Variants in PTPN13 observed in about 807,000 individuals in gnomAD.
PTPN13 encodes tyrosine-protein phosphatase non-receptor type 13.
A neutral mutation model predicts 284.0 loss-of-function variants in PTPN13; 191 were observed. That is an observed-to-expected ratio of 0.67 (90% CI 0.60 to 0.76). The LOEUF is 0.76. PTPN13 is among the 30% of genes least tolerant of loss of function. PTPN13 has a pLI of 0.00. For missense variants in PTPN13, 2,797 were observed against 2,939.9 expected (o/e 0.95, Z 1.12); for synonymous variants, 986 against 1,022.3 (o/e 0.96, Z 0.68).
chr4:86,733,905 C>T (rs1735219183), intron 12 of PTPN13, among the ~76,000 whole-genome samples: 1 of 152,110 alleles, frequency 6.6e-6, no homozygotes, highest in Non-Finnish European at 1.5e-5. Context: ...TTACCGTGTA[C>T]TGTGTGCTTT....
intron 9 of PTPN13, among the ~76,000 whole-genome samples, chr4:86,717,343 T>A (rs1313648125): frequency 6.6e-6 from 1 of 151,854 alleles, no homozygotes; most frequent in African/African-American, 2.4e-5. Flanking sequence ...TATGCACCAA[T>A]GTGCCTGGCT....
Position 86,771,197 on chromosome 4 carries a change from A to T in PTPN13, c.4830A>T (p.Val1610=). Residue 1610 remains valine (V), a synonymous_variant, in exon 31 of 48, where the codon GTA becomes GTT. Coordinates refer to ENST00000411767, the MANE Select transcript of PTPN13 (RefSeq NM_080683.3). ...CCCCACTTCAGTCTCCAGCACAAGT[A>T]CTTCCAAACAGCAGTAAAGACTCTT... The part of the protein sequence containing the change: ...LLTPLQSPAQ[V]LPNSSKDSSQ... 1 of 1,611,960 alleles carries T rather than the reference A, an allele frequency of 6.2e-7. No homozygotes were observed. The highest frequency in any genetic ancestry group is 8.5e-7 in the Non-Finnish European group (1 of 1,178,914).
chr4:86,750,959 C>T, intron 18 of PTPN13, 68 bp from the exon 19 acceptor site: 2 of 1,560,766 alleles, frequency 1.3e-6, no homozygotes, highest in Non-Finnish European at 1.7e-6. Flanking sequence ...TTTGTTATGA[C>T]ATTTTATTAT....
intron 28 of PTPN13, among the ~76,000 whole-genome samples, chr4:86,768,576 C>T (rs557779218): frequency 2.6e-5 from 4 of 152,042 alleles, no homozygotes; most frequent in Admixed American, 6.6e-5. Flanking sequence ...TTTACACAAA[C>T]GTTAGCAACT....
At chr4:86,689,398 A>C (rs1253822441) in intron 5 of PTPN13, among the ~76,000 whole-genome samples, 1 of 152,186 alleles carries the variant, frequency 6.6e-6, no homozygotes, top group African/African-American at 2.4e-5. Context: ...TTTTGTGAGA[A>C]TTATTCCCAA....
chr4:86,701,693 T>G lies in PTPN13; in HGVS notation c.1087T>G (p.Tyr363Asp), dbSNP rs1195345288. The G allele has an allele frequency of 1.9e-6, 3 of 1,613,804 alleles. 1 individual carries two copies. Among genetic ancestry groups the G allele is most frequent in the Non-Finnish European group, 2.5e-6 (3 of 1,179,834 alleles). The change falls in exon 7 of 48, where the codon TAT becomes GAT. Residue 363 changes from tyrosine (Y) to aspartate (D), a missense_variant. Coordinates refer to ENST00000411767, the MANE Select transcript of PTPN13 (RefSeq NM_080683.3). ...IFGPQKMDPI[Y>D]HTRELPTSSA... is the part of the protein sequence containing the mutation. ...TGGCCCTCAGAAAATGGATCCAATA[T>G]ATCACACTCGAGAATTGCCCACCTC...
intron 1 of PTPN13, among the ~76,000 whole-genome samples, chr4:86,620,808 G>A (rs376420461): frequency 3.9e-5 from 6 of 152,056 alleles, no homozygotes; most frequent in Non-Finnish European, 7.4e-5. Flanking sequence ...GTCTAATTTC[G>A]GGCTAGCTAG....
intron 38 of PTPN13, 32 bp from the exon 39 acceptor site, chr4:86,785,199 G>T (rs1434523335): frequency 6.9e-7 from 1 of 1,443,702 alleles, no homozygotes; most frequent in South Asian, 1.3e-5. Context: ...TATTTTTAAA[G>T]TAAAACCCCA....
intron 40 of PTPN13, 106 bp from the exon 41 acceptor site, chr4:86,796,768 G>T: frequency 1.4e-6 from 1 of 714,762 alleles, no homozygotes; most frequent in South Asian, 1.9e-5. Flanking sequence ...GTAATATAAG[G>T]ATGAACAATA....
At chr4:86,751,221 G>T (rs2149208386) in intron 19 of PTPN13, 97 bp downstream of exon 19, 1 of 880,558 alleles carries the variant, frequency 1.1e-6, no homozygotes, top group East Asian at 2.7e-5. Flanking sequence ...TGGGTTCCAT[G>T]TCCTAATTGC....
In PTPN13 at chr4:86,650,180, T is replaced by C. The variant is rs1185803004; in HGVS notation, c.115+14809T>C. ...TTTTGTGTTTTTAGTAGAGATGGGGTTCTGCCATATTGGCCAGGCTGGTCT... is the reference window on the plus strand; with the variant it reads ...TTTTGTGTTTTTAGTAGAGATGGGGCTCTGCCATATTGGCCAGGCTGGTCT... On this transcript the variant is annotated intron_variant, in intron 2 of 47. Transcript: ENST00000411767. 3.3e-5 allele frequency among the ~76,000 whole-genome samples: 5 copies of C among 152,168 alleles called. No homozygotes were observed. In the South Asian group the frequency reaches 1.0e-3, roughly 32 times the overall value.
Position 86,805,367 on chromosome 4 carries a change from C to T in PTPN13, c.6743C>T (p.Pro2248Leu). The change falls in exon 44 of 48, where the codon CCC becomes CTC. Residue 2248 changes from proline to leucine, a missense_variant and splice_region_variant. Transcript: ENST00000411767. The stretch of plus-strand genomic sequence containing the variant: ...AAGAACAGATATAAAAATATACTTC[C>T]CTGTAAGTTCCAGTTTGGCTTCAGA... ...RRKNRYKNIL[P>L]YDATRVPLGD... The T allele has an allele frequency of 6.4e-7, 1 of 1,560,416 alleles. No individual in the cohort carries two copies. The highest frequency in any genetic ancestry group is 8.8e-7 in the Non-Finnish European group (1 of 1,139,112).
intron 3 of PTPN13, among the ~76,000 whole-genome samples, chr4:86,684,100 T>TAAAA (rs3971792): frequency 0.045 from 6,188 of 137,988 alleles, 174 homozygotes; most frequent in African/African-American, 0.053. Flanking sequence ...TAAGATATGT[T>TAAAA]AAAAAAAAAA....
chr4:86,763,885 G>A (rs1296671166), intron 24 of PTPN13, among the ~76,000 whole-genome samples: 1 of 152,084 alleles, frequency 6.6e-6, no homozygotes, highest in Non-Finnish European at 1.5e-5. Context: ...GGGAAGGAAA[G>A]GAGGAAGGGA....
At chr4:86,754,466 C>T (rs1318996997) in intron 20 of PTPN13, among the ~76,000 whole-genome samples, 1 of 152,004 alleles carries the variant, frequency 6.6e-6, no homozygotes, top group African/African-American at 2.4e-5. Context: ...ATGCCCACAA[C>T]AACCCTATGA....
intron 7 of PTPN13, among the ~76,000 whole-genome samples, chr4:86,702,006 C>T (rs1398688210): frequency 6.6e-6 from 1 of 152,090 alleles, no homozygotes; most frequent in Non-Finnish European, 1.5e-5. Flanking sequence ...CAAAGTCATC[C>T]CTAATAAAAA....
chr4:86,635,255 A>G lies in PTPN13; in HGVS notation c.-2A>G. ...ATCTGTTACCTTTGTTTCCCAGGTA[A>G]TATGCACGTGTCACTAGCTGAGGCC... On this transcript the variant is annotated 5_prime_UTR_variant, in exon 2 of 48. Coordinates refer to ENST00000411767, the MANE Select transcript of PTPN13 (RefSeq NM_080683.3). 2 of 1,594,516 alleles carry G rather than the reference A, an allele frequency of 1.3e-6. No individual in the cohort carries two copies. The highest frequency in any genetic ancestry group is 1.7e-6 in the Non-Finnish European group (2 of 1,170,378).
chr4:86,621,198 G>A (rs1386394725), intron 1 of PTPN13, among the ~76,000 whole-genome samples: 1 of 152,148 alleles, frequency 6.6e-6, no homozygotes, highest in East Asian at 1.9e-4. Context: ...TTTGTTGTGG[G>A]TGTGATCACT....
At chr4:86,763,562 A>G (rs1473185991) in intron 24 of PTPN13, among the ~76,000 whole-genome samples, 1 of 152,200 alleles carries the variant, frequency 6.6e-6, no homozygotes, top group Non-Finnish European at 1.5e-5. Context: ...TTCACTATTT[A>G]TAGTCTAAAT....
Sources: allele counts gnomAD v4.1 joint callset (sites outside exome capture counted in the v4.1 genomes callset), GRCh38; gene constraint gnomAD v4.1.1; transcripts MANE v1.5; gene names NCBI Gene and HGNC (gene_info 2026-07-23, HGNC 2026-07-21).